Variants in IL16 observed in about 807,000 individuals in gnomAD.
IL16 encodes the protein interleukin 16.
Under a neutral mutation model 110.1 loss-of-function variants are expected in IL16, and 67 were observed. The ratio of observed to expected loss-of-function variants is 0.61; its 90% confidence interval spans 0.50 to 0.75. IL16 has a LOEUF of 0.75. IL16 is among the 30% of genes least tolerant of loss of function. The probability of loss-of-function intolerance (pLI) is 0.00; values close to 1 mark genes in which losing one functional copy is unlikely to be tolerated. For synonymous variants in IL16, 689 were observed against 662.9 expected (o/e 1.04, Z -0.61); for missense variants, 1,545 against 1,655.0 (o/e 0.93, Z 1.15).
chr15:81,270,131 T>C (rs1898566954), intron 5 of IL16, among the ~76,000 whole-genome samples: 1 of 152,228 alleles, frequency 6.6e-6, no homozygotes, highest in African/African-American at 2.4e-5. Flanking sequence ...TTGTAGCATC[T>C]GGAAGAGTCA....
At chr15:81,278,745 G>C (rs1012926103) in intron 6 of IL16, 72 bp from the exon 7 acceptor site, 3 of 986,322 alleles carry the variant, frequency 3.0e-6, no homozygotes, top group Admixed American at 1.7e-5. Flanking sequence ...GGGGAGACTA[G>C]AGTTAAAGGT....
intron 7 of IL16, 140 bp downstream of exon 7, chr15:81,279,030 G>T: frequency 4.5e-6 from 3 of 660,210 alleles, no homozygotes; most frequent in South Asian, 3.6e-5. Flanking sequence ...TTGGCGCAGG[G>T]TTAAAAGAAG....
intron 2 of IL16, among the ~76,000 whole-genome samples, chr15:81,249,257 T>C (rs1897681671): frequency 1.3e-5 from 2 of 152,244 alleles, no homozygotes; most frequent in Non-Finnish European, 2.9e-5. Context: ...AGTCACTTTT[T>C]GTTTAGATTT....
intron 12 of IL16, among the ~76,000 whole-genome samples, chr15:81,294,024 G>A (rs1299313399): frequency 1.3e-5 from 2 of 152,202 alleles, no homozygotes; most frequent in Admixed American, 6.5e-5. Flanking sequence ...ATCACGGAAT[G>A]GCCCTGCAGG....
At chr15:81,243,163 AT>A (rs1219851899) in intron 2 of IL16, among the ~76,000 whole-genome samples, 57 of 14,946 alleles carry the variant, frequency 3.8e-3, no homozygotes, top group African/African-American at 0.011. Context: ...ATATATATAT[AT>A]TTTTTTTTTT....
intron 2 of IL16, among the ~76,000 whole-genome samples, chr15:81,231,394 A>G (rs566972495): frequency 1.1e-4 from 13 of 116,764 alleles, no homozygotes; most frequent in African/African-American, 4.0e-4. Context: ...CTCTCTTAAG[A>G]CAGGGTCTTG....
chr15:81,272,635 T>G, intron 5 of IL16, among the ~76,000 whole-genome samples: 1 of 152,228 alleles, frequency 6.6e-6, no homozygotes, highest in South Asian at 2.1e-4. Flanking sequence ...CTGCTACTAT[T>G]ATTACTATTG....
chr15:81,303,731 C>A lies in IL16; in HGVS notation c.3420+81C>A. 1.1e-6 allele frequency: 1 copy of A among 931,440 alleles called. No homozygotes were observed. The highest frequency in any genetic ancestry group is 1.8e-6 in the Non-Finnish European group (1 of 570,312). 57.7% of individuals were successfully genotyped at this position (931,440 alleles called of 1,614,324 possible). A position where few individuals can be genotyped will look rare whatever the true frequency, so the allele number is the denominator to read the frequency against. ...GGGGACACACTTGCCAGGAAGGGGC[C>A]CTGTGCTGGGGAAATGAAGAATGCA... is the stretch of plus-strand genomic sequence containing the variant. On this transcript the variant is annotated intron_variant, in intron 16 of 18. Transcript: ENST00000683961. The surrounding 1 kb of genome is among the most constrained non-coding windows in gnomAD (Gnocchi z 4.1).
intron 9 of IL16, among the ~76,000 whole-genome samples, chr15:81,284,643 AG>A (rs1899356899): frequency 6.6e-6 from 1 of 152,260 alleles, no homozygotes; most frequent in African/African-American, 2.4e-5. Flanking sequence ...AGGAAGTCAC[AG>A]AACACAGCAG....
intron 3 of IL16, among the ~76,000 whole-genome samples, chr15:81,264,882 T>C (rs1174261437): frequency 6.6e-6 from 1 of 152,246 alleles, no homozygotes; most frequent in Non-Finnish European, 1.5e-5. Context: ...AAATATATTA[T>C]TAAAATTAAT....
rs201225720 is a variant in IL16 at position 81,225,408 on chromosome 15, G to T, written c.9G>T (p.Ser3=). The T allele has an allele frequency of 1.1e-5, 18 of 1,613,554 alleles. No homozygotes were observed. Among genetic ancestry groups the T allele is most frequent in the Non-Finnish European group, 1.4e-5 (17 of 1,179,960 alleles). The change falls in exon 2 of 19, where the codon TCG becomes TCT. Residue 3 remains serine, a synonymous_variant. Coordinates refer to ENST00000683961, the MANE Select transcript of IL16 (RefSeq NM_172217.5). ...TCACTTCCTCTTTGAGGATGGAGTC[G>T]CACAGCCGCGCTGGAAAGAGCAGAA... ME[S]HSRAGKSRKS... is the part of the protein sequence containing the mutation.
In IL16 at chr15:81,301,457, A is replaced by G. The variant is rs1900282290; in HGVS notation, c.3263A>G (p.Glu1088Gly). Residue 1088 changes from glutamate to glycine, a missense_variant, in exon 15 of 19, where the codon GAA becomes GGA. This residue lies in a region of IL16 where 356 missense variants were observed against 399.3 expected (regional missense o/e 0.89). Coordinates refer to ENST00000683961, the MANE Select transcript of IL16 (RefSeq NM_172217.5). ...GQSVISLLSS[E>G]ELKKLIEEVK... ...TCCGTTATCTCCCTGCTGAGCTCAG[A>G]AGAATTAAAAAAACTCATCGAGGAG... is the stretch of plus-strand genomic sequence containing the variant. 3 of 1,614,020 alleles carry G rather than the reference A, an allele frequency of 1.9e-6. No homozygotes were observed. In the African/African-American group the frequency reaches 4.0e-5, roughly 22 times the overall value.
chr15:81,199,030 A>AAAAAAT (rs1555411597), intron 1 of IL16, among the ~76,000 whole-genome samples: 45 of 104,142 alleles, frequency 4.3e-4, no homozygotes, highest in Admixed American at 2.4e-3. Flanking sequence ...AAAAAAAAAA[A>AAAAAAT]ATATATATAT....
chr15:81,214,043 G>C (rs901075451), intron 1 of IL16, among the ~76,000 whole-genome samples: 1 of 151,566 alleles, frequency 6.6e-6, no homozygotes, highest in Non-Finnish European at 1.5e-5. Context: ...TTGTTTGTTT[G>C]TTTGTTTTTG....
chr15:81,269,528 C>G lies in IL16; in HGVS notation c.565-10C>G, dbSNP rs745580857. 3.7e-6 allele frequency: 6 copies of G among 1,606,030 alleles called. No individual in the cohort carries two copies. The Admixed American group carries it at 1.0e-4, about 27-fold the overall frequency. ...GCTAATCTTCTGCCTACTCTGGTTC[C>G]TTGTTGCAGGGAACTTCGAGACCAA... On this transcript the variant is annotated splice_polypyrimidine_tract_variant and intron_variant, in intron 4 of 18. Transcript: ENST00000683961.
upstream of IL16, among the ~76,000 whole-genome samples, chr15:81,196,352 A>T (rs550960213): frequency 6.6e-6 from 1 of 152,300 alleles, no homozygotes; most frequent in Admixed American, 6.5e-5. Context: ...AAAGCAGGTG[A>T]TATATTTACC....
At chr15:81,295,256 C>T (rs1211007573) in intron 12 of IL16, 3 of 449,584 alleles carry the variant, frequency 6.7e-6, no homozygotes, top group East Asian at 2.4e-4. Context: ...TTCTCTTCTC[C>T]CTCCCTCATC....
At chr15:81,215,340 T>C (rs932262742) in intron 1 of IL16, among the ~76,000 whole-genome samples, 4 of 152,236 alleles carry the variant, frequency 2.6e-5, no homozygotes, top group African/African-American at 7.2e-5. Context: ...AGGATCTTTA[T>C]GCTTGGGTGA....
chr15:81,278,054 T>G (rs1208862144), intron 6 of IL16, among the ~76,000 whole-genome samples: 1 of 151,902 alleles, frequency 6.6e-6, no homozygotes, highest in Non-Finnish European at 1.5e-5. Flanking sequence ...ATTTATTTAT[T>G]TATTTATTTA....
Sources: allele counts gnomAD v4.1 joint callset (sites outside exome capture counted in the v4.1 genomes callset), GRCh38; gene constraint gnomAD v4.1.1; regional missense constraint gnomAD v4.1.1; non-coding constraint Gnocchi (gnomAD v3.1); transcripts MANE v1.5; gene names NCBI Gene and HGNC (gene_info 2026-07-23, HGNC 2026-07-21).